The following RNF13 variants were observed in gnomAD, a reference collection of about 807,000 sequenced individuals.
The protein encoded by RNF13 is E3 ubiquitin-protein ligase RNF13.
A neutral mutation model predicts 37.7 loss-of-function variants in RNF13; 19 were observed. That is an observed-to-expected ratio of 0.50 (90% CI 0.35 to 0.74). The LOEUF is 0.74. Ranked by LOEUF, RNF13 falls within the 30% of genes least tolerant of loss-of-function variation. The pLI is 0.01. For missense variants in RNF13, 375 were observed against 453.0 expected, an observed-to-expected ratio of 0.83 and a Z score of 1.56; for synonymous variants, 144 against 157.8, an observed-to-expected ratio of 0.91 and a Z score of 0.65.
At chr3:149,897,827 C>T (rs547672943) in intron 5 of RNF13, among the ~76,000 whole-genome samples, 4 of 152,104 alleles carry the variant, frequency 2.6e-5, no homozygotes, top group Non-Finnish European at 5.9e-5. Flanking sequence ...GATACTAACG[C>T]CTGGAAACAA....
intron 3 of RNF13, among the ~76,000 whole-genome samples, chr3:149,871,185 G>A (rs1176311344): frequency 3.3e-5 from 5 of 151,706 alleles, no homozygotes; most frequent in African/African-American, 7.3e-5. Context: ...GGGACTACAG[G>A]TGTGTGCCAC....
intron 4 of RNF13, among the ~76,000 whole-genome samples, chr3:149,874,681 T>A (rs752032726): frequency 2.6e-5 from 4 of 152,156 alleles, no homozygotes; most frequent in Non-Finnish European, 5.9e-5. Context: ...GATGTAAAAT[T>A]TCTGACTTGG....
At chr3:149,842,662 G>A (rs1353303998) in intron 1 of RNF13, among the ~76,000 whole-genome samples, 1 of 152,090 alleles carries the variant, frequency 6.6e-6, no homozygotes, top group African/African-American at 2.4e-5. Flanking sequence ...AATATTTATT[G>A]CAGTGTTTTT....
intron 8 of RNF13, among the ~76,000 whole-genome samples, chr3:149,923,837 T>A (rs1471225722): frequency 6.6e-6 from 1 of 151,736 alleles, no homozygotes; most frequent in African/African-American, 2.4e-5. Flanking sequence ...AAACATGTCA[T>A]TGGCTTTTCC....
Position 149,902,077 on chromosome 3 carries a change from G to C in RNF13, c.415G>C (p.Val139Leu). 3 of 1,403,422 alleles carry C rather than the reference G, an allele frequency of 2.1e-6. No homozygotes were observed. Among genetic ancestry groups the C allele is most frequent in the Non-Finnish European group, 2.9e-6 (3 of 1,036,788 alleles). 86.9% of individuals were successfully genotyped at this position (1,403,422 alleles called of 1,614,324 possible). ...LISMGSNDIE[V>L]LKKIDIPSVF... ...TTCATTATTCTTTTATACAGTTGAG[G>C]TACTAAAGAAAATTGACATTCCATC... The change falls in exon 6 of 10, where the codon GTA becomes CTA. Residue 139 changes from valine (V) to leucine (L), a missense_variant. Coordinates refer to ENST00000392894, the MANE Select transcript of RNF13 (RefSeq NM_183381.3).
intron 3 of RNF13, among the ~76,000 whole-genome samples, chr3:149,860,045 G>A (rs1191860551): frequency 6.6e-6 from 1 of 151,500 alleles, no homozygotes; most frequent in African/African-American, 2.4e-5. Context: ...GGCAGGTGGA[G>A]CATTTGAGGT....
chr3:149,957,020 A>T (rs1721934371), intron 8 of RNF13, among the ~76,000 whole-genome samples: 1 of 152,254 alleles, frequency 6.6e-6, no homozygotes, highest in Admixed American at 6.5e-5. Flanking sequence ...TGGTGCTAAT[A>T]GTAACAAAAC....
intron 3 of RNF13, among the ~76,000 whole-genome samples, chr3:149,861,100 CAA>C (rs201122925): frequency 2.0e-4 from 29 of 146,440 alleles, no homozygotes; most frequent in Admixed American, 7.5e-4. Flanking sequence ...ATTAAAATGA[CAA>C]AAAAAAAGAC....
chr3:149,865,836 C>T (rs1278674756), intron 3 of RNF13, among the ~76,000 whole-genome samples: 7 of 152,034 alleles, frequency 4.6e-5, no homozygotes, highest in Admixed American at 4.6e-4. Context: ...GGGTCCCGAT[C>T]TAGACCCCAA....
At chr3:149,838,757 A>G (rs1559897910) in intron 1 of RNF13, among the ~76,000 whole-genome samples, 1 of 151,558 alleles carries the variant, frequency 6.6e-6, no homozygotes. Context: ...CATTTTCCCT[A>G]TTTTCTTGGC....
At chr3:149,910,921 G>A (rs906781652) in intron 6 of RNF13, among the ~76,000 whole-genome samples, 1 of 152,084 alleles carries the variant, frequency 6.6e-6, no homozygotes. Context: ...TTATTTCATG[G>A]GTCCCTGTCA....
intron 1 of RNF13, among the ~76,000 whole-genome samples, chr3:149,829,389 T>C (rs1480350683): frequency 1.3e-5 from 2 of 152,204 alleles, no homozygotes; most frequent in African/African-American, 4.8e-5. Context: ...TGTGAGCCAC[T>C]GCGCCCGGCC....
rs1716131619 is a variant in RNF13 at position 149,903,973 on chromosome 3, AT to A, written c.500+1812del. Among the ~76,000 whole-genome samples the A allele has an allele frequency of 2.6e-5, 3 of 114,520 alleles. No individual in the cohort carries two copies. The East Asian group carries it at 6.3e-4, about 24-fold the overall frequency. The allele number at this position is 114,520 out of a possible 152,430, so 75.1% of individuals were successfully genotyped here. A position where few individuals can be genotyped will look rare whatever the true frequency, so the allele number is the denominator to read the frequency against. Reference sequence around the variant, plus strand: ...TGTCTGTCTGTCTGTCTGTCTGTCTATCTATCTACCTACCTACCTACCTATA... The same window carrying A: ...TGTCTGTCTGTCTGTCTGTCTGTCTACTATCTACCTACCTACCTACCTATA... On this transcript the variant is annotated intron_variant, in intron 6 of 9. Coordinates refer to ENST00000392894, the MANE Select transcript of RNF13 (RefSeq NM_183381.3).
rs767830782 is a variant in RNF13, at chr3:149,872,006, A to G, written c.196-23A>G. ...GATTTACTGAGTGAAACAGAGAGAT[A>G]ATTTTTACCAATTCTTTTTCAGGGT... On this transcript the variant is annotated intron_variant, in intron 3 of 9. Transcript: ENST00000392894. 1.0e-5 allele frequency: 16 copies of G among 1,569,268 alleles called. No individual in the cohort carries two copies. In the Admixed American group the frequency reaches 3.2e-4, roughly 31 times the overall value.
At position 149,835,667 on chromosome 3, in the gene RNF13, TTG is replaced by T. The variant is rs1553751536; in HGVS notation, c.-16-10328_-16-10327del. Among the ~76,000 whole-genome samples, 21 of 88,026 alleles carry T rather than the reference TTG, an allele frequency of 2.4e-4. No homozygotes were observed. The South Asian group carries it at 5.5e-3, about 23-fold the overall frequency. The allele number at this position is 88,026 out of a possible 152,430, so 57.7% of individuals were successfully genotyped here. ...TGTGTGTGTGTGTGTGTGTGTGTGT[TTG>T]TGTGTGTGTGTGTGTATGTGTGTAC... is the stretch of plus-strand genomic sequence containing the variant. On this transcript the variant is annotated intron_variant, in intron 1 of 9. Transcript: ENST00000392894.
At chr3:149,935,440 C>G (rs1233024357) in intron 8 of RNF13, among the ~76,000 whole-genome samples, 2 of 152,022 alleles carry the variant, frequency 1.3e-5, no homozygotes, top group East Asian at 3.8e-4. Flanking sequence ...TTTTGTAACT[C>G]CTTTTTTACT....
intron 1 of RNF13, among the ~76,000 whole-genome samples, chr3:149,838,849 C>T (rs1477913827): frequency 6.8e-6 from 1 of 146,130 alleles, no homozygotes; most frequent in African/African-American, 2.6e-5. Flanking sequence ...TTTTTCTTTT[C>T]TATTGCATCA....
At chr3:149,879,509 T>C (rs975361114) in intron 4 of RNF13, among the ~76,000 whole-genome samples, 2 of 152,042 alleles carry the variant, frequency 1.3e-5, no homozygotes, top group African/African-American at 4.8e-5. Flanking sequence ...GGTCTTGTTA[T>C]GTTGCTCAGA....
At chr3:149,922,203 A>G (rs569011339) in intron 8 of RNF13, among the ~76,000 whole-genome samples, 58 of 152,180 alleles carry the variant, frequency 3.8e-4, no homozygotes, top group African/African-American at 1.3e-3. Flanking sequence ...TGGACTCCTG[A>G]CCTTGTGATC....
Sources: allele counts gnomAD v4.1 joint callset (sites outside exome capture counted in the v4.1 genomes callset), GRCh38; gene constraint gnomAD v4.1.1; transcripts MANE v1.5; gene names NCBI Gene and HGNC (gene_info 2026-07-23, HGNC 2026-07-21).